The following CASK variants were observed in gnomAD, a reference collection of about 807,000 sequenced individuals.
CASK encodes peripheral plasma membrane protein CASK.
A neutral mutation model predicts 82.9 loss-of-function variants in CASK; 4 were observed. The ratio of observed to expected loss-of-function variants is 0.05; its 90% CI spans 0.02 to 0.11. The LOEUF (loss-of-function observed/expected upper bound fraction) is 0.11, where lower values mean the gene tolerates loss of function less well. Ranked by LOEUF, CASK falls within the 10% of genes least tolerant of loss-of-function variation. The probability of loss-of-function intolerance (pLI) is 1.00; values close to 1 mark genes in which losing one functional copy is unlikely to be tolerated. For synonymous variants in CASK, 259 were observed against 253.5 expected (o/e 1.02, Z -0.20); for missense variants, 358 against 720.9 (o/e 0.50, Z 5.76).
chrX:41,780,794 G>A (rs1009770375), intron 3 of CASK, among the ~76,000 whole-genome samples: 1 of 110,950 alleles, frequency 9.0e-6, no homozygotes, highest in Non-Finnish European at 1.9e-5. Context: ...GATTACAGGT[G>A]TGTGCCACCA....
At chrX:41,753,258 TA>T (rs1439860665) in intron 3 of CASK, among the ~76,000 whole-genome samples, 1 of 111,024 alleles carries the variant, frequency 9.0e-6, no homozygotes. Context: ...CCTTTACTTT[TA>T]AAAAAATGAA....
At chrX:41,587,400 C>A (rs2147225567) in intron 13 of CASK, 1 of 116,426 alleles carries the variant, frequency 8.6e-6, no homozygotes, top group South Asian at 3.4e-4. Flanking sequence ...TTAGAAATGT[C>A]AAAATGACAC....
intron 16 of CASK, among the ~76,000 whole-genome samples, chrX:41,569,305 T>A (rs770519889): frequency 9.8e-5 from 11 of 111,826 alleles, no homozygotes; most frequent in African/African-American, 3.6e-4. Context: ...TCCCCGTAAG[T>A]AGTAATCTAA....
Position 41,540,521 on chromosome X carries a change from C to A in CASK, c.2155+2170G>T, listed in dbSNP as rs1026775656. Among the ~76,000 whole-genome samples, 3 of 112,407 alleles carry A rather than the reference C, an allele frequency of 2.7e-5. No individual in the cohort carries two copies. The South Asian group carries it at 1.1e-3, about 41-fold the overall frequency. On this transcript the variant is annotated intron_variant, in intron 22 of 26. Coordinates refer to ENST00000378163, the MANE Select transcript of CASK (RefSeq NM_001367721.1). ...TGATCTTTAGAATTAGAAAAGATCT[C>A]CTTGATTGACTAACCTAATTCCCTC...
chrX:41,923,070 G>A lies in CASK; in HGVS notation c.-82C>T. On this transcript the variant is annotated 5_prime_UTR_variant, in exon 1 of 27. Transcript: ENST00000378163. ...GCCCAAGAGCTCAGTGCCCAGCCCC[G>A]GGATCGCCTCCTCCCCTCAGGACCC... is the stretch of plus-strand genomic sequence containing the variant. 1.1e-6 allele frequency: 1 copy of A among 909,715 alleles called. No homozygotes were observed. Among genetic ancestry groups the A allele is most frequent in the Non-Finnish European group, 1.6e-6 (1 of 628,638 alleles). The allele number at this position is 909,715 out of a possible 1,213,427, so 75.0% of individuals were successfully genotyped here. A position where few individuals can be genotyped will look rare whatever the true frequency, so the allele number is the denominator to read the frequency against.
At chrX:41,600,482 C>A (rs1237818754) in intron 12 of CASK, among the ~76,000 whole-genome samples, 4 of 112,381 alleles carry the variant, frequency 3.6e-5, no homozygotes, top group African/African-American at 1.3e-4. Context: ...ACTTAGAAGG[C>A]TTTCTGCAAA....
intron 8 of CASK, among the ~76,000 whole-genome samples, chrX:41,657,510 CTTTTA>C (rs1160466857): frequency 9.0e-6 from 1 of 111,341 alleles, no homozygotes; most frequent in Non-Finnish European, 1.9e-5. Context: ...ATTATATATT[CTTTTA>C]TATTTCTTTT....
chrX:41,865,624 T>C (rs2071577419), intron 1 of CASK, among the ~76,000 whole-genome samples: 1 of 111,644 alleles, frequency 9.0e-6, no homozygotes, highest in Non-Finnish European at 1.9e-5. Flanking sequence ...TGGTTTTCAA[T>C]TGTACCCTGG....
At chrX:41,907,170 T>G (rs951057162) in intron 1 of CASK, among the ~76,000 whole-genome samples, 1 of 112,682 alleles carries the variant, frequency 8.9e-6, no homozygotes, top group African/African-American at 3.2e-5. Context: ...CCAGATTTAC[T>G]GAAATAAATC....
At chrX:41,670,104 T>G (rs2067175887) in intron 6 of CASK, among the ~76,000 whole-genome samples, 1 of 112,352 alleles carries the variant, frequency 8.9e-6, no homozygotes, top group Admixed American at 9.4e-5. Flanking sequence ...TGTCTTGGGA[T>G]GTAGTGACTA....
chrX:41,661,164 A>G (rs927414880), intron 7 of CASK, among the ~76,000 whole-genome samples: 4 of 111,983 alleles, frequency 3.6e-5, no homozygotes, highest in Non-Finnish European at 7.5e-5. Context: ...AAAATCAAAC[A>G]AAAATAATTA....
chrX:41,666,842 G>A (rs765047246), intron 6 of CASK, among the ~76,000 whole-genome samples: 22 of 111,813 alleles, frequency 2.0e-4, no homozygotes, highest in Admixed American at 2.9e-4. Flanking sequence ...GTAACACGAA[G>A]AAGCTGCAGG....
At chrX:41,821,927 T>C (rs2070552329) in intron 2 of CASK, among the ~76,000 whole-genome samples, 1 of 111,985 alleles carries the variant, frequency 8.9e-6, no homozygotes, top group African/African-American at 3.2e-5. Context: ...AGTGAGCCTT[T>C]AGAAGATTCC....
intron 13 of CASK, 72 bp downstream of exon 13, chrX:41,589,443 G>A: frequency 1.4e-6 from 1 of 716,906 alleles, no homozygotes; most frequent in East Asian, 3.3e-5. Flanking sequence ...CTCTTAATGT[G>A]CAACAGAAAT....
intron 12 of CASK, among the ~76,000 whole-genome samples, chrX:41,591,497 C>T (rs781747561): frequency 9.4e-6 from 1 of 105,924 alleles, no homozygotes. Context: ...TTTTTTGAGG[C>T]GGAGTCTCGC....
chrX:41,778,659 T>A (rs904442535), intron 3 of CASK, among the ~76,000 whole-genome samples: 7 of 111,869 alleles, frequency 6.3e-5, no homozygotes, highest in Admixed American at 4.8e-4. Context: ...AGATTAGTTG[T>A]CATAGACGAA....
rs1162805893 is a variant in CASK at position 41,573,072 on chromosome X, T to C, written c.1504-3326A>G. Among the ~76,000 whole-genome samples, 31 of 104,667 alleles carry C rather than the reference T, an allele frequency of 3.0e-4. No individual in the cohort carries two copies. In the East Asian group the frequency reaches 8.0e-3, roughly 27 times the overall value. The allele number at this position is 104,667 out of a possible 115,157, so 90.9% of individuals were successfully genotyped here. A position where few individuals can be genotyped will look rare whatever the true frequency, so the allele number is the denominator to read the frequency against. On this transcript the variant is annotated intron_variant, in intron 15 of 26. Transcript: ENST00000378163. ...GTTCCTCTGTGTGTAAAATTTCTTT[T>C]TTCTTTTTTTTTTTTTTTTTGAGAT...
intron 2 of CASK, among the ~76,000 whole-genome samples, chrX:41,836,298 G>A (rs1241104854): frequency 8.9e-6 from 1 of 112,021 alleles, no homozygotes; most frequent in Non-Finnish European, 1.9e-5. Flanking sequence ...TTATGATCAG[G>A]AACTGTGAAA....
At chrX:41,625,447 A>G (rs1438269291) in intron 10 of CASK, among the ~76,000 whole-genome samples, 2 of 110,452 alleles carry the variant, frequency 1.8e-5, no homozygotes, top group South Asian at 3.8e-4. Flanking sequence ...CGGCCTCCCA[A>G]AGTGCTGGGA....
Sources: gnomAD v4.1 joint callset for allele counts (sites outside exome capture counted in the v4.1 genomes callset) on GRCh38, gnomAD v4.1.1 for gene constraint, MANE v1.5 for transcripts, NCBI Gene and HGNC (gene_info 2026-07-23, HGNC 2026-07-21) for gene names.